Variants in RPTOR observed in about 807,000 individuals in gnomAD.
The protein encoded by RPTOR is regulatory associated protein of MTOR complex 1, also known as regulatory-associated protein of mTOR.
RPTOR carries 21 observed loss-of-function variants against 169.9 expected under a neutral mutation model. The observed-to-expected ratio is 0.12, with a 90% CI of 0.09 to 0.18. RPTOR has a LOEUF of 0.18. RPTOR is among the 10% of genes least tolerant of loss of function. The pLI is 1.00. For missense variants in RPTOR, 1,133 were observed against 1,855.9 expected (o/e 0.61, Z 7.16); for synonymous variants, 732 against 753.2 (o/e 0.97, Z 0.46).
intron 11 of RPTOR, among the ~76,000 whole-genome samples, chr17:80,847,647 C>G (rs2333988): frequency 2.0e-5 from 3 of 152,290 alleles, no homozygotes; most frequent in African/African-American, 7.2e-5. Flanking sequence ...TGACTCCCCC[C>G]ACACACAGGA....
chr17:80,693,292 C>T (rs948993328), intron 3 of RPTOR, among the ~76,000 whole-genome samples: 3 of 152,158 alleles, frequency 2.0e-5, no homozygotes, highest in South Asian at 4.1e-4. Context: ...CAGTGCCGAC[C>T]GAGCCTGTCT....
chr17:80,945,238 A>C (rs1379898240), intron 25 of RPTOR, among the ~76,000 whole-genome samples: 1 of 152,110 alleles, frequency 6.6e-6, no homozygotes, highest in Non-Finnish European at 1.5e-5. Context: ...AGCTGCAGTG[A>C]GCCATGATCA....
intron 7 of RPTOR, among the ~76,000 whole-genome samples, chr17:80,796,020 C>G (rs2067098241): frequency 6.6e-6 from 1 of 152,194 alleles, no homozygotes; most frequent in Non-Finnish European, 1.5e-5. Context: ...GCATCGTTGC[C>G]CTGGCCCCAC....
intron 6 of RPTOR, among the ~76,000 whole-genome samples, chr17:80,786,612 G>A (rs1177018353): frequency 5.9e-5 from 9 of 152,160 alleles, no homozygotes; most frequent in Admixed American, 2.6e-4. Context: ...AAGTGACTCC[G>A]GAGAATGGAA....
At chr17:80,770,507 G>A (rs1340808379) in intron 6 of RPTOR, among the ~76,000 whole-genome samples, 1 of 152,162 alleles carries the variant, frequency 6.6e-6, no homozygotes, top group African/African-American at 2.4e-5. Flanking sequence ...TCACTGTGTG[G>A]GTGAGGCTTA....
intron 2 of RPTOR, among the ~76,000 whole-genome samples, chr17:80,640,670 C>T (rs8068637): frequency 0.36 from 55,114 of 152,064 alleles, 10,373 homozygotes; most frequent in African/African-American, 0.45. Flanking sequence ...CATGTCTCTG[C>T]AGGATGTTGT....
rs1403395830 is a variant in RPTOR at position 80,746,170 on chromosome 17, A to G, written c.655-7840A>G. Among the ~76,000 whole-genome samples the G allele has an allele frequency of 6.6e-6, 1 of 151,440 alleles. No individual in the cohort carries two copies. The highest frequency in any genetic ancestry group is 1.5e-5 in the Non-Finnish European group (1 of 67,826). On this transcript the variant is annotated intron_variant, in intron 5 of 33. Transcript: ENST00000306801. The surrounding 1 kb of genome is among the most constrained non-coding windows in gnomAD (Gnocchi z 4.5). ...AGAGCAAACCTCCATCTCAAAAAAA[A>G]AAAAAAAAGTGCAGTGCAGGTGATC... is the stretch of plus-strand genomic sequence containing the variant.
At chr17:80,956,480 C>T (rs1464884098) in intron 28 of RPTOR, among the ~76,000 whole-genome samples, 2 of 152,260 alleles carry the variant, frequency 1.3e-5, no homozygotes, top group Non-Finnish European at 2.9e-5. Context: ...GGGAGTCAGC[C>T]CCTTGCTGTC....
intron 1 of RPTOR, among the ~76,000 whole-genome samples, chr17:80,613,790 G>T (rs2065288832): frequency 6.6e-6 from 1 of 151,850 alleles, no homozygotes; most frequent in Non-Finnish European, 1.5e-5. Context: ...GACTCGGGCT[G>T]GGCCACGTGT....
intron 20 of RPTOR, among the ~76,000 whole-genome samples, chr17:80,907,527 C>T (rs1173154202): frequency 6.6e-6 from 1 of 152,278 alleles, no homozygotes; most frequent in Non-Finnish European, 1.5e-5. Context: ...TTCTCGGCCT[C>T]TCTGGGTCCA....
intron 1 of RPTOR, among the ~76,000 whole-genome samples, chr17:80,598,097 A>C (rs1365152135): frequency 6.6e-6 from 1 of 152,148 alleles, no homozygotes; most frequent in Non-Finnish European, 1.5e-5. Context: ...AGCCGTGATC[A>C]TGCCACTGCA....
intron 6 of RPTOR, among the ~76,000 whole-genome samples, chr17:80,773,523 C>A (rs569584265): frequency 6.6e-6 from 1 of 152,314 alleles, no homozygotes; most frequent in East Asian, 1.9e-4. Flanking sequence ...AAAGGCCCTT[C>A]CTTTATTTTG....
At chr17:80,782,874 C>T (rs2066955535) in intron 6 of RPTOR, among the ~76,000 whole-genome samples, 2 of 152,178 alleles carry the variant, frequency 1.3e-5, no homozygotes, top group South Asian at 4.1e-4. Flanking sequence ...GGTAAAAACA[C>T]ATTAATATTT....
intron 6 of RPTOR, among the ~76,000 whole-genome samples, chr17:80,757,512 C>G (rs1397076797): frequency 6.6e-6 from 1 of 152,134 alleles, no homozygotes; most frequent in African/African-American, 2.4e-5. Context: ...GCATTACTTT[C>G]TCTTGTTTGT....
chr17:80,719,277 C>G (rs1289010230), intron 4 of RPTOR, among the ~76,000 whole-genome samples: 158 of 152,236 alleles, frequency 1.0e-3, no homozygotes, highest in Non-Finnish European at 1.3e-4. Context: ...GGAAGGGTAC[C>G]TGTCAGCCCG....
At chr17:80,836,581 G>A (rs2067567064) in intron 9 of RPTOR, among the ~76,000 whole-genome samples, 1 of 152,184 alleles carries the variant, frequency 6.6e-6, no homozygotes, top group Non-Finnish European at 1.5e-5. Flanking sequence ...CTGCCACAGG[G>A]CTAGAGATGT....
chr17:80,719,142 G>A (rs938710562), intron 4 of RPTOR, among the ~76,000 whole-genome samples: 14 of 152,104 alleles, frequency 9.2e-5, no homozygotes, highest in Non-Finnish European at 2.1e-4. Context: ...GACATGCTGC[G>A]GGCGGTTCCC....
chr17:80,903,713 C>G (rs890681631), intron 20 of RPTOR, among the ~76,000 whole-genome samples: 1 of 152,280 alleles, frequency 6.6e-6, no homozygotes, highest in East Asian at 1.9e-4. Flanking sequence ...CCTTACAAGC[C>G]CCGCGTGCAG....
intron 1 of RPTOR, among the ~76,000 whole-genome samples, chr17:80,548,152 C>T (rs531023327): frequency 1.3e-4 from 19 of 145,544 alleles, no homozygotes; most frequent in Admixed American, 4.2e-4. Flanking sequence ...TGAGATCACA[C>T]GGCTCACTGC....
Sources: allele counts gnomAD v4.1 joint callset (sites outside exome capture counted in the v4.1 genomes callset), GRCh38; gene constraint gnomAD v4.1.1; non-coding constraint Gnocchi (gnomAD v3.1); transcripts MANE v1.5; gene names NCBI Gene and HGNC (gene_info 2026-07-23, HGNC 2026-07-21).